Variants in DBF4 observed in about 807,000 individuals in gnomAD.
The protein encoded by DBF4 is protein DBF4 homolog A.
DBF4 carries 25 observed loss-of-function variants against 76.6 expected under a neutral mutation model. The ratio of observed to expected loss-of-function variants is 0.33; its 90% CI spans 0.24 to 0.46. The LOEUF (loss-of-function observed/expected upper bound fraction) is 0.46, where lower values mean the gene tolerates loss of function less well. DBF4 is among the 20% of genes least tolerant of loss of function. The pLI, the probability that DBF4 is intolerant of heterozygous loss-of-function variation, is 1.00. For missense variants in DBF4, 638 were observed against 760.8 expected (o/e 0.84, Z 1.90); for synonymous variants, 213 against 258.0 (o/e 0.83, Z 1.67).
intron 2 of DBF4, among the ~76,000 whole-genome samples, chr7:87,882,724 A>T (rs188451478): frequency 1.3e-5 from 2 of 152,194 alleles, no homozygotes; most frequent in Non-Finnish European, 2.9e-5. Flanking sequence ...AAAATGTTCA[A>T]CGTCACTAAT....
chr7:87,877,652 G>C (rs1294829310), intron 1 of DBF4, among the ~76,000 whole-genome samples: 1 of 152,208 alleles, frequency 6.6e-6, no homozygotes, highest in East Asian at 1.9e-4. Flanking sequence ...CTGCGTAACA[G>C]AGGATTCTTT....
At chr7:87,891,267 T>A (rs538938699) in intron 6 of DBF4, among the ~76,000 whole-genome samples, 2 of 152,094 alleles carry the variant, frequency 1.3e-5, no homozygotes, top group East Asian at 3.9e-4. Context: ...CTTTGATGTC[T>A]TTGTCTGGTT....
intron 10 of DBF4, among the ~76,000 whole-genome samples, chr7:87,903,842 G>T (rs771206314): frequency 3.9e-4 from 60 of 152,002 alleles, no homozygotes; most frequent in Admixed American, 2.6e-4. Flanking sequence ...CTACAGGCAT[G>T]TGCCACCAGG....
At position 87,895,828 on chromosome 7, in the gene DBF4, C is replaced by T. The variant is rs139852039; in HGVS notation, c.598-646C>T. 2.4e-3 allele frequency among the ~76,000 whole-genome samples: 368 copies of T among 152,162 alleles called. 1 individual carries two copies. Among genetic ancestry groups the T allele is most frequent in the African/African-American group, 8.5e-3 (353 of 41,520 alleles). ...TCTCAGCCTCCTAATTGGGACCCACCCTCAGGGCAGAACTGTGGGAGAAAA... is the reference window on the plus strand; with the variant it reads ...TCTCAGCCTCCTAATTGGGACCCACTCTCAGGGCAGAACTGTGGGAGAAAA... On this transcript the variant is annotated intron_variant, in intron 6 of 11. Transcript: ENST00000265728.
chr7:87,892,252 C>A (rs1839511542), intron 6 of DBF4, among the ~76,000 whole-genome samples: 4 of 152,214 alleles, frequency 2.6e-5, no homozygotes, highest in Admixed American at 2.6e-4. Context: ...TTTATCCCCC[C>A]ATTCCCTTAA....
chr7:87,900,945 C>A, intron 10 of DBF4, 67 bp downstream of exon 10: 1 of 1,270,260 alleles, frequency 7.9e-7, no homozygotes, highest in Non-Finnish European at 1.1e-6. Flanking sequence ...TAAATTTTAG[C>A]TTGTTATTCT....
chr7:87,889,604 A>G (rs1029370490), intron 6 of DBF4, among the ~76,000 whole-genome samples: 15 of 152,122 alleles, frequency 9.9e-5, no homozygotes, highest in Admixed American at 5.2e-4. Flanking sequence ...AATACATTTT[A>G]TAGGATGACC....
chr7:87,883,336 T>G (rs1839262491), intron 2 of DBF4, among the ~76,000 whole-genome samples: 1 of 152,160 alleles, frequency 6.6e-6, no homozygotes, highest in Non-Finnish European at 1.5e-5. Flanking sequence ...GGAAAAGTTA[T>G]AGAAATGTTT....
At chr7:87,902,992 C>T (rs1839825846) in intron 10 of DBF4, among the ~76,000 whole-genome samples, 1 of 152,144 alleles carries the variant, frequency 6.6e-6, no homozygotes, top group Admixed American at 6.5e-5. Flanking sequence ...CTGGAGATTC[C>T]ACCTATTCAC....
chr7:87,895,011 T>G (rs1191567976), intron 6 of DBF4, among the ~76,000 whole-genome samples: 2 of 152,166 alleles, frequency 1.3e-5, no homozygotes, highest in Admixed American at 1.3e-4. Context: ...AAGTTAGACA[T>G]CTTGATGTTA....
chr7:87,881,940 G>A (rs1487544716), intron 2 of DBF4, among the ~76,000 whole-genome samples: 2 of 152,188 alleles, frequency 1.3e-5, no homozygotes, highest in African/African-American at 4.8e-5. Context: ...TAAAATATAT[G>A]TCAATGCAGT....
At position 87,876,626 on chromosome 7, in the gene DBF4, A is replaced by G. The variant is rs1839045015; in HGVS notation, c.-107A>G. On this transcript the variant is annotated 5_prime_UTR_variant, in exon 1 of 12. Transcript: ENST00000265728. ...CTGCGTAGAGGCCGTAGCTGGCGGA[A>G]GGAGAGAGGCGGCCGTCCTGTCAAC... 6.3e-6 allele frequency: 8 copies of G among 1,269,656 alleles called. No homozygotes were observed. Among genetic ancestry groups the G allele is most frequent in the South Asian group, 2.5e-5 (2 of 81,548 alleles). The allele number at this position is 1,269,656 out of a possible 1,614,324, so 78.6% of individuals were successfully genotyped here.
chr7:87,904,959 T>C (rs13222457), intron 11 of DBF4, among the ~76,000 whole-genome samples: 1 of 152,202 alleles, frequency 6.6e-6, no homozygotes, highest in Admixed American at 6.5e-5. Flanking sequence ...TTTAAATTTT[T>C]TGTTTTATTT....
At chr7:87,898,931 AGAAATAAACCATCACAC>A (rs1562764600) in intron 8 of DBF4, among the ~76,000 whole-genome samples, 15 of 152,242 alleles carry the variant, frequency 9.9e-5, no homozygotes, top group African/African-American at 3.4e-4. Flanking sequence ...TAGAGAGCCT[AGAAATAAACCATCACAC>A]ATATGGCCAA....
Position 87,897,326 on chromosome 7 carries a change from G to T in DBF4, c.667G>T (p.Glu223Ter), listed in dbSNP as rs1839667468. 5.6e-6 allele frequency: 9 copies of T among 1,612,592 alleles called. No homozygotes were observed. The change falls in exon 8 of 12, where the codon GAA becomes TAA. Residue 223 changes from glutamate to a stop codon, truncating the protein, a stop_gained. Transcript: ENST00000265728. LOFTEE classifies it high-confidence loss of function. ...ACTCAAAAAGCCTTTTGTAAAGGTG[G>T]AAGATATGAGCCAGTAAGTATTTAA... is the stretch of plus-strand genomic sequence containing the variant. ...GRLKKPFVKVEDMSQLYRPFY... is the reference protein window; with the variant it reads ...GRLKKPFVKV
At chr7:87,896,236 C>T (rs1839635943) in intron 6 of DBF4, 2 of 375,464 alleles carry the variant, frequency 5.3e-6, no homozygotes, top group Non-Finnish European at 9.5e-6. Context: ...CATTAACTAC[C>T]TTTTCATTAT....
chr7:87,894,048 C>T (rs1041875461), intron 6 of DBF4, among the ~76,000 whole-genome samples: 36 of 152,274 alleles, frequency 2.4e-4, no homozygotes, highest in Admixed American at 2.3e-3. Context: ...ATGTAGAAGC[C>T]TTAAAATATT....
In DBF4 at chr7:87,907,327, T is replaced by C; in HGVS notation, c.1189T>C (p.Phe397Leu). 1 of 1,614,014 alleles carries C rather than the reference T, an allele frequency of 6.2e-7. No homozygotes were observed. The highest frequency in any genetic ancestry group is 8.5e-7 in the Non-Finnish European group (1 of 1,179,932). Residue 397 changes from phenylalanine (F) to leucine (L), a missense_variant, in exon 12 of 12, where the codon TTC becomes CTC. Phe to Leu is a conservative substitution (Grantham distance 22). Coordinates refer to ENST00000265728, the MANE Select transcript of DBF4 (RefSeq NM_006716.4). ...EDDTTVKEQN[F>L]LYKETQETEK... is the part of the protein sequence containing the mutation. The stretch of plus-strand genomic sequence containing the variant: ...TGATACAACAGTGAAGGAGCAGAAT[T>C]TCCTGTATAAAGAGACCCAGGAAAC...
chr7:87,902,543 G>C (rs1247689871), intron 10 of DBF4, among the ~76,000 whole-genome samples: 2 of 152,138 alleles, frequency 1.3e-5, no homozygotes, highest in South Asian at 2.1e-4. Flanking sequence ...AATAAATAAT[G>C]AGGTTATTTA....
Sources: allele counts gnomAD v4.1 joint callset (sites outside exome capture counted in the v4.1 genomes callset), GRCh38; gene constraint gnomAD v4.1.1; transcripts MANE v1.5; gene names NCBI Gene and HGNC (gene_info 2026-07-23, HGNC 2026-07-21).